Variants in APBB2 observed in about 807,000 individuals in gnomAD.
APBB2 encodes the protein amyloid beta precursor protein binding family B member 2, also known as Fe65-like 1.
Under a neutral mutation model 82.5 loss-of-function variants are expected in APBB2, and 38 were observed. The ratio of observed to expected loss-of-function variants is 0.46; its 90% CI spans 0.36 to 0.60. The LOEUF (loss-of-function observed/expected upper bound fraction) is 0.60, where lower values mean the gene tolerates loss of function less well. Among genes scored for constraint, APBB2 ranks in the 20% least tolerant of loss-of-function variants. The probability of loss-of-function intolerance (pLI) is 0.00; values close to 1 mark genes in which losing one functional copy is unlikely to be tolerated. For missense variants in APBB2, 772 were observed against 972.3 expected (o/e 0.79, Z 2.74); for synonymous variants, 341 against 368.2 (o/e 0.93, Z 0.85).
chr4:41,209,727 ATT>A (rs1428162384), intron 1 of APBB2, among the ~76,000 whole-genome samples: 1 of 152,228 alleles, frequency 6.6e-6, no homozygotes, highest in African/African-American at 2.4e-5. Flanking sequence ...AAATCTAATC[ATT>A]ACCTTATCTG....
At chr4:41,025,013 C>T (rs1713382791) in intron 5 of APBB2, among the ~76,000 whole-genome samples, 1 of 152,214 alleles carries the variant, frequency 6.6e-6, no homozygotes, top group African/African-American at 2.4e-5. Context: ...GCTAGCCCAC[C>T]CCCTTTTAGA....
intron 12 of APBB2, chr4:40,842,643 C>G (rs1560671809): frequency 4.9e-6 from 1 of 204,830 alleles, no homozygotes; most frequent in Non-Finnish European, 1.0e-5. Flanking sequence ...GGGAGGTAAT[C>G]AAGCTTAAAA....
intron 6 of APBB2, among the ~76,000 whole-genome samples, chr4:41,012,614 T>G (rs1040203679): frequency 1.4e-4 from 21 of 152,188 alleles, no homozygotes; most frequent in Non-Finnish European, 2.6e-4. Context: ...CCTCTTTTCC[T>G]TATCTTTAGT....
At chr4:41,153,215 G>C (rs1762702860) in intron 1 of APBB2, among the ~76,000 whole-genome samples, 1 of 152,076 alleles carries the variant, frequency 6.6e-6, no homozygotes, top group African/African-American at 2.4e-5. Flanking sequence ...TTTGATGCTT[G>C]GTTGAACTAC....
chr4:41,180,482 T>C (rs1290319734), intron 1 of APBB2, among the ~76,000 whole-genome samples: 1 of 151,942 alleles, frequency 6.6e-6, no homozygotes, highest in Non-Finnish European at 1.5e-5. Context: ...TTAAATTGAA[T>C]TAGCCAGTCA....
At chr4:40,881,528 C>CTTTTCTTTTTTTTTTTT (rs1553952936) in intron 12 of APBB2, 60 of 154,866 alleles carry the variant, frequency 3.9e-4, no homozygotes, top group Non-Finnish European at 5.0e-4. Context: ...CTTTTCTTTT[C>CTTTTCTTTTTTTTTTTT]TTTTTCTTTT....
chr4:41,182,790 A>C (rs1453887668), intron 1 of APBB2, among the ~76,000 whole-genome samples: 1 of 152,128 alleles, frequency 6.6e-6, no homozygotes, highest in African/African-American at 2.4e-5. Flanking sequence ...GCCCCTTATA[A>C]AACCATCAGA....
Position 40,914,484 on chromosome 4 carries a change from G to A in APBB2, c.1254+19972C>T, listed in dbSNP as rs1246909178. ...GGAGAACTGCTTGAACCCAGGAGGC[G>A]GGGGTTGCAGTGAGCCGACATCGCG... On this transcript the variant is annotated intron_variant, in intron 10 of 17. Transcript: ENST00000508593. Among the ~76,000 whole-genome samples the A allele has an allele frequency of 3.3e-5, 5 of 152,204 alleles. No individual in the cohort carries two copies. In the East Asian group the frequency reaches 5.8e-4, roughly 18 times the overall value.
chr4:40,852,694 G>C (rs1046242720), intron 12 of APBB2, among the ~76,000 whole-genome samples: 8 of 151,978 alleles, frequency 5.3e-5, no homozygotes, highest in Non-Finnish European at 1.5e-5. Flanking sequence ...AGGCTGGAGG[G>C]CAGTGGCGCG....
intron 4 of APBB2, among the ~76,000 whole-genome samples, chr4:41,060,816 G>A (rs73809501): frequency 0.011 from 1,685 of 152,246 alleles, 20 homozygotes; most frequent in African/African-American, 0.039. Context: ...GAAACAGCAG[G>A]AGCAAAGGCA....
At chr4:40,999,767 C>T (rs1804621380) in intron 6 of APBB2, among the ~76,000 whole-genome samples, 1 of 152,082 alleles carries the variant, frequency 6.6e-6, no homozygotes, top group African/African-American at 2.4e-5. Context: ...TATGCATCTC[C>T]CTAACTATTG....
At chr4:40,858,899 C>A (rs1364835336) in intron 12 of APBB2, among the ~76,000 whole-genome samples, 2 of 152,184 alleles carry the variant, frequency 1.3e-5, no homozygotes, top group African/African-American at 4.8e-5. Context: ...TGGAACACAA[C>A]ACAAACTGCA....
chr4:41,190,803 T>C (rs903169509), intron 1 of APBB2, among the ~76,000 whole-genome samples: 1 of 152,142 alleles, frequency 6.6e-6, no homozygotes, highest in Admixed American at 6.5e-5. Flanking sequence ...GGTTGCGCCA[T>C]ACAAAGTAAA....
chr4:41,081,542 C>T (rs979436661), intron 3 of APBB2, among the ~76,000 whole-genome samples: 1 of 152,154 alleles, frequency 6.6e-6, no homozygotes, highest in African/African-American at 2.4e-5. Flanking sequence ...CCATAAATGG[C>T]TATTTCCAAA....
chr4:41,184,970 C>T (rs1284324766), intron 1 of APBB2, among the ~76,000 whole-genome samples: 1 of 152,248 alleles, frequency 6.6e-6, no homozygotes, highest in Non-Finnish European at 1.5e-5. Flanking sequence ...TCCCAAACTC[C>T]ATTTCAGCGT....
intron 10 of APBB2, among the ~76,000 whole-genome samples, chr4:40,908,268 T>G (rs1312056700): frequency 6.6e-6 from 1 of 152,042 alleles, no homozygotes; most frequent in African/African-American, 2.4e-5. Context: ...TCCATAACTG[T>G]GAGAAAAGAA....
At chr4:40,932,622 T>C (rs1178912004) in intron 10 of APBB2, among the ~76,000 whole-genome samples, 1 of 152,116 alleles carries the variant, frequency 6.6e-6, no homozygotes, top group Non-Finnish European at 1.5e-5. Context: ...GGGAAGATTC[T>C]TTCTCTCTCC....
chr4:40,978,347 A>T (rs925999417), intron 6 of APBB2, among the ~76,000 whole-genome samples: 1 of 152,236 alleles, frequency 6.6e-6, no homozygotes, highest in African/African-American at 2.4e-5. Context: ...ATAAATGTGC[A>T]TCTACAAGAT....
chr4:41,026,938 C>CA (rs879931049), intron 5 of APBB2, among the ~76,000 whole-genome samples: 2 of 150,726 alleles, frequency 1.3e-5, no homozygotes, highest in African/African-American at 2.4e-5. Context: ...TCAGGTCTCT[C>CA]AAAAAAAAAG....
Sources: gnomAD v4.1 joint callset for allele counts (sites outside exome capture counted in the v4.1 genomes callset) on GRCh38, gnomAD v4.1.1 for gene constraint, MANE v1.5 for transcripts, NCBI Gene and HGNC (gene_info 2026-07-23, HGNC 2026-07-21) for gene names.